The following HP variants were observed in gnomAD, a reference collection of about 807,000 sequenced individuals.
The protein encoded by HP is haptoglobin.
In HP, 9 loss-of-function variants were observed where a neutral mutation model predicts 23.2. That is an observed-to-expected ratio of 0.39 (90% CI 0.23 to 0.68). The LOEUF is 0.68. Among genes scored for constraint, HP ranks in the 30% least tolerant of loss-of-function variants. HP has a pLI of 0.47. For synonymous variants in HP, 155 were observed against 183.3 expected, an observed-to-expected ratio of 0.85 and a Z score of 1.25; for missense variants, 433 against 483.6, an observed-to-expected ratio of 0.90 and a Z score of 0.98.
chr16:72,059,512 A>G lies in HP; in HGVS notation c.442+324A>G, dbSNP rs2041506634. ...AAGCTCCAGGGAGAACAAGTCAAGG[A>G]ATGACATAAAATCTTAATCCATGGA... is the stretch of plus-strand genomic sequence containing the variant. On this transcript the variant is annotated intron_variant, in intron 6 of 6. Transcript: ENST00000355906. The G allele has an allele frequency of 8.0e-6, 3 of 375,750 alleles. No homozygotes were observed. In the East Asian group the frequency reaches 1.6e-4, roughly 20 times the overall value. The allele number at this position is 375,750 out of a possible 1,614,324, so 23.3% of individuals were successfully genotyped here.
rs1163569245 is a variant in HP at position 72,056,085 on chromosome 16, ATG to A, written c.6-67_6-66del. 2.6e-6 allele frequency: 4 copies of A among 1,526,882 alleles called. 1 individual carries two copies. In the East Asian group the frequency reaches 6.8e-5, roughly 26 times the overall value. 94.6% of individuals were successfully genotyped at this position (1,526,882 alleles called of 1,614,324 possible). A position where few individuals can be genotyped will look rare whatever the true frequency, so the allele number is the denominator to read the frequency against. Reference sequence around the variant, plus strand: ...TGTGTGTGTGTGTGTGTGTACATGCATGTGTGTGTGGATGCATGCATGTGCTG... The same window carrying A: ...TGTGTGTGTGTGTGTGTGTACATGCATGTGTGTGGATGCATGCATGTGCTG... On this transcript the variant is annotated intron_variant, in intron 1 of 6. Coordinates refer to ENST00000355906, the MANE Select transcript of HP (RefSeq NM_005143.5).
Position 72,060,378 on chromosome 16 carries a change from G to C in HP, c.709G>C (p.Val237Leu). 5 of 1,614,158 alleles carry C rather than the reference G, an allele frequency of 3.1e-6. No homozygotes were observed. The highest frequency in any genetic ancestry group is 4.2e-6 in the Non-Finnish European group (5 of 1,180,040). Residue 237 changes from valine (V) to leucine (L), a missense_variant, in exon 7 of 7, where the codon GTT (valine) becomes CTT (leucine). Physicochemically the swap from Val to Leu is conservative, Grantham distance 32. Coordinates refer to ENST00000355906, the MANE Select transcript of HP (RefSeq NM_005143.5). ...KKQLVEIEKV[V>L]LHPNYSQVDI... The stretch of plus-strand genomic sequence containing the variant: ...GCAGCTTGTAGAGATTGAGAAGGTT[G>C]TTCTACACCCTAACTACTCCCAGGT...
At position 72,056,163 on chromosome 16, in the gene HP, C is replaced by T. The variant is rs199564947; in HGVS notation, c.8C>T (p.Ala3Val). 1.9e-6 allele frequency: 3 copies of T among 1,613,708 alleles called. No homozygotes were observed. Among genetic ancestry groups the T allele is most frequent in the Non-Finnish European group, 2.5e-6 (3 of 1,179,808 alleles). The change falls in exon 2 of 7, where the codon GCC (alanine) becomes GTC (valine). Residue 3 changes from alanine (A) to valine (V), a missense_variant and splice_region_variant. By Grantham distance (64) the Ala-to-Val change is moderately conservative. This residue lies in a region of HP where 71 missense variants were observed against 54.2 expected (regional missense o/e 1.31). Coordinates refer to ENST00000355906, the MANE Select transcript of HP (RefSeq NM_005143.5). MS[A>V]LGAVIALLLW... ...TCCTCCTTGTCTTCTCTCTGCAGTG[C>T]CCTGGGAGCTGTCATTGCCCTCCTG... is the stretch of plus-strand genomic sequence containing the variant.
chr16:72,060,273 A>C lies in HP; in HGVS notation c.604A>C (p.Lys202Gln), dbSNP rs768021751. 1.2e-6 allele frequency: 2 copies of C among 1,614,040 alleles called. No individual in the cohort carries two copies. Among genetic ancestry groups the C allele is most frequent in the Admixed American group, 1.7e-5 (1 of 59,996 alleles). The change falls in exon 7 of 7, where the codon AAA (lysine) becomes CAA (glutamine). Residue 202 changes from lysine (K) to glutamine (Q), a missense_variant. Lys to Gln is a moderately conservative substitution (Grantham distance 53). Around this residue, in one of 3 missense-constraint regions of HP, gnomAD observed 326 missense variants for 358.1 expected, o/e 0.91. Transcript: ENST00000355906. Reference protein sequence around the residue: ...INEQWLLTTAKNLFLNHSENA... With the variant: ...INEQWLLTTAQNLFLNHSENA... ...TGAACAATGGCTGCTGACCACGGCT[A>C]AAAATCTCTTCCTGAACCATTCAGA...
chr16:72,059,453 A>G (rs948205603), intron 6 of HP: 2 of 556,978 alleles, frequency 3.6e-6, no homozygotes, highest in African/African-American at 3.8e-5. Flanking sequence ...GCATACAGAG[A>G]GCCTGCTAGA....
intron 2 of HP, 87 bp downstream of exon 2, chr16:72,056,330 T>A: frequency 1.9e-6 from 3 of 1,565,804 alleles, no homozygotes; most frequent in Non-Finnish European, 2.6e-6. Context: ...TTCCCCCTTC[T>A]TATCTCGACC....
At chr16:72,055,971 C>T in intron 1 of HP, 190 bp from the exon 2 acceptor site, 1 of 999,522 alleles carries the variant, frequency 1.0e-6, no homozygotes, top group Admixed American at 2.1e-5. Flanking sequence ...TGTGTATGGG[C>T]AGGTGTGGGG....
Position 72,060,619 on chromosome 16 carries a change from C to T in HP, c.950C>T (p.Thr317Ile), listed in dbSNP as rs780747814. Residue 317 changes from threonine to isoleucine, a missense_variant, in exon 7 of 7, where the codon ACA (threonine) becomes ATA (isoleucine). Physicochemically the swap from Thr to Ile is moderately conservative, Grantham distance 89 (BLOSUM62 -1). Coordinates refer to ENST00000355906, the MANE Select transcript of HP (RefSeq NM_005143.5). ...DQCIRHYEGS[T>I]VPEKKTPKSP... The stretch of plus-strand genomic sequence containing the variant: ...TGCATAAGGCATTATGAAGGCAGCA[C>T]AGTCCCCGAAAAGAAGACACCGAAG... The T allele has an allele frequency of 6.2e-7, 1 of 1,614,190 alleles. No homozygotes were observed. Among genetic ancestry groups the T allele is most frequent in the Non-Finnish European group, 8.5e-7 (1 of 1,180,048 alleles).
chr16:72,058,408 AT>A (rs2041488748), intron 5 of HP, 53 bp downstream of exon 5: 2 of 433,264 alleles, frequency 4.6e-6, no homozygotes, highest in East Asian at 7.3e-5. Context: ...CTTCTCTGAC[AT>A]TTCCATGATG....
rs2041427188 is a variant in HP, at chr16:72,054,516, T to C, written c.-137T>C. 5.2e-6 allele frequency: 8 copies of C among 1,546,730 alleles called. No individual in the cohort carries two copies. The highest frequency in any genetic ancestry group is 1.2e-5 in the South Asian group (1 of 84,968). On this transcript the variant is annotated 5_prime_UTR_variant, in exon 1 of 7. Transcript: ENST00000355906. ...TTTGTGGTTTTGTTACTGGAAAAGA[T>C]AGTGACCTTACCAGGGCCAAAGTTT...
chr16:72,059,762 T>C (rs948284009), intron 6 of HP: 1 of 408,998 alleles, frequency 2.4e-6, no homozygotes, highest in Admixed American at 4.0e-5. Context: ...GAATGAATTA[T>C]TGTAGCCCCT....
chr16:72,057,010 C>T (rs966935636), intron 3 of HP: 51 of 339,248 alleles, frequency 1.5e-4, no homozygotes, highest in Non-Finnish European at 2.0e-4. Context: ...ACTTAGTCCT[C>T]ACAGTATCCC....
chr16:72,059,430 T>G (rs397834566), intron 6 of HP: 1 of 623,566 alleles, frequency 1.6e-6, no homozygotes. Context: ...GCCCACAGAT[T>G]AGGAGAGCCT....
chr16:72,058,354 T>C lies in HP; in HGVS notation c.366T>C (p.Asp122=), dbSNP rs1434704753. The change falls in exon 5 of 7, where the codon GAT becomes GAC. Residue 122 remains aspartate (D), a splice_region_variant and synonymous_variant. Coordinates refer to ENST00000355906, the MANE Select transcript of HP (RefSeq NM_005143.5). ...ACTACAAACTGCGCACAGAAGGAGA[T>C]GGTAAGATGTGGACAACTGTCTCCA... ...KNYYKLRTEG[D]GVYTLNNEKQ... 1.1e-5 allele frequency: 6 copies of C among 539,034 alleles called. 1 individual carries two copies. Among genetic ancestry groups the C allele is most frequent in the South Asian group, 6.8e-5 (4 of 59,024 alleles). 33.4% of individuals were successfully genotyped at this position (539,034 alleles called of 1,614,324 possible).
intron 1 of HP, chr16:72,055,498 G>C (rs1032186036): frequency 6.2e-6 from 1 of 160,878 alleles, no homozygotes; most frequent in East Asian, 1.8e-4. Context: ...TAGTGAGATG[G>C]TGAACTGGCA....
Position 72,058,406 on chromosome 16 carries a change from AC to A in HP, c.367+52del, listed in dbSNP as rs2041488708. On this transcript the variant is annotated intron_variant, in intron 5 of 6. Transcript: ENST00000355906. ...GCCCTACATACAACCCCCTTCTCTG[AC>A]ATTTCCATGATGGGTGGTGCTGAGG... The A allele has an allele frequency of 6.8e-6, 3 of 444,000 alleles. 1 individual carries two copies. In the Admixed American group the frequency reaches 1.6e-4, roughly 24 times the overall value. 27.5% of individuals were successfully genotyped at this position (444,000 alleles called of 1,614,324 possible). A position where few individuals can be genotyped will look rare whatever the true frequency, so the allele number is the denominator to read the frequency against.
chr16:72,060,410 T>C lies in HP; in HGVS notation c.741T>C (p.Ile247=). The C allele has an allele frequency of 6.2e-7, 1 of 1,614,166 alleles. No individual in the cohort carries two copies. Among genetic ancestry groups the C allele is most frequent in the South Asian group, 1.1e-5 (1 of 91,082 alleles). The change falls in exon 7 of 7, where the codon ATT becomes ATC. Residue 247 remains isoleucine (I), a synonymous_variant. Coordinates refer to ENST00000355906, the MANE Select transcript of HP (RefSeq NM_005143.5). ...VLHPNYSQVD[I]GLIKLKQKVS... The stretch of plus-strand genomic sequence containing the variant: ...ACCCTAACTACTCCCAGGTAGATAT[T>C]GGGCTCATCAAACTCAAACAGAAGG...
In HP at chr16:72,059,310, G is replaced by A. The variant is rs2041503193; in HGVS notation, c.442+122G>A. 17 of 1,359,236 alleles carry A rather than the reference G, an allele frequency of 1.3e-5. 1 individual carries two copies. Among genetic ancestry groups the A allele is most frequent in the African/African-American group, 3.1e-5 (2 of 64,150 alleles). The allele number at this position is 1,359,236 out of a possible 1,614,324, so 84.2% of individuals were successfully genotyped here. A position where few individuals can be genotyped will look rare whatever the true frequency, so the allele number is the denominator to read the frequency against. ...CCAGGAGGAGGGATGTGGGAGAACC[G>A]CAGCTGGCCAGGGAGAGACTTAAGC... On this transcript the variant is annotated intron_variant, in intron 6 of 6. Coordinates refer to ENST00000355906, the MANE Select transcript of HP (RefSeq NM_005143.5).
intron 3 of HP, 181 bp from the exon 4 acceptor site, chr16:72,057,211 C>G: frequency 1.3e-6 from 1 of 760,072 alleles, no homozygotes; most frequent in South Asian, 1.6e-5. Context: ...GGTGTCCAGG[C>G]ACTTGGCTTC....
Sources: gnomAD v4.1 joint callset for allele counts on GRCh38, gnomAD v4.1.1 for gene constraint, gnomAD v4.1.1 regional missense constraint, MANE v1.5 for transcripts, NCBI Gene and HGNC (gene_info 2026-07-23, HGNC 2026-07-21) for gene names.